RHPN1: variants seen among roughly 807,000 people sequenced by gnomAD.
RHPN1 encodes the protein rhophilin Rho GTPase binding protein 1.
In RHPN1, 77 loss-of-function variants were observed where a neutral mutation model predicts 74.7. The observed-to-expected ratio is 1.03, with a 90% CI of 0.86 to 1.25. The LOEUF (loss-of-function observed/expected upper bound fraction) is 1.25, where lower values mean the gene tolerates loss of function less well. RHPN1 is among the 50% of genes most tolerant of loss of function. The probability of loss-of-function intolerance (pLI) is 0.00; values close to 1 mark genes in which losing one functional copy is unlikely to be tolerated. For missense variants in RHPN1, 987 were observed against 932.2 expected, an observed-to-expected ratio of 1.06 and a Z score of -0.77; for synonymous variants, 444 against 414.5, an observed-to-expected ratio of 1.07 and a Z score of -0.87.
At chr8:143,378,134 T>C in intron 4 of RHPN1, 135 bp from the exon 5 acceptor site, 1 of 743,322 alleles carries the variant, frequency 1.3e-6, no homozygotes, top group Non-Finnish European at 2.3e-6. Context: ...GCCCCCACGC[T>C]GCATGGCAGC....
chr8:143,365,096 A>G (rs965085155), upstream of RHPN1, among the ~76,000 whole-genome samples: 4 of 152,138 alleles, frequency 2.6e-5, no homozygotes, highest in African/African-American at 9.7e-5. Flanking sequence ...ATACACGGCC[A>G]GTTAAATTCT....
chr8:143,378,605 C>T (rs945744125), intron 5 of RHPN1, 91 bp from the exon 6 acceptor site: 5 of 1,476,556 alleles, frequency 3.4e-6, no homozygotes, highest in Non-Finnish European at 4.5e-6. Flanking sequence ...TCCCCGCCCC[C>T]CATGGTGCTG....
chr8:143,374,238 G>A (rs1818060606), intron 1 of RHPN1: 3 of 985,340 alleles, frequency 3.0e-6, no homozygotes, highest in Non-Finnish European at 2.4e-6. Context: ...GTCCACAGAG[G>A]GGAAGACCCA....
intron 9 of RHPN1, 36 bp from the exon 10 acceptor site, chr8:143,380,026 C>T: frequency 6.5e-7 from 1 of 1,548,672 alleles, no homozygotes; most frequent in East Asian, 2.4e-5. Context: ...TGCCAAGGCC[C>T]CCCCGCGCAG....
chr8:143,381,931 T>C lies in RHPN1; in HGVS notation c.1760T>C (p.Val587Ala). 5.6e-6 allele frequency: 9 copies of C among 1,609,118 alleles called. No homozygotes were observed. Among genetic ancestry groups the C allele is most frequent in the Non-Finnish European group, 6.8e-6 (8 of 1,178,552 alleles). The stretch of plus-strand genomic sequence containing the variant: ...GGAGAGGCGGGCGCCAGCCTGCAGG[T>C]GGTGTCGCTGCTGCCCAGCTCTAGA... ...AAGEAGASLQ[V>A]VSLLPSSRLP... The change falls in exon 14 of 15, where the codon GTG becomes GCG. Residue 587 changes from valine (V) to alanine (A), a missense_variant. Transcript: ENST00000289013.
chr8:143,368,097 C>G (rs1239929249), upstream of RHPN1: 1 of 153,740 alleles, frequency 6.5e-6, no homozygotes. Context: ...ATTCGGAAAG[C>G]AGGTTCGTTC....
At position 143,381,676 on chromosome 8, in the gene RHPN1, G is replaced by GC; in HGVS notation, c.1595dup (p.Val533CysfsTer63). ...TTGGCCTCACGCTTCGGGGAGACTC[G>GC]CCTGTCCTCATCGCTGCCGTCATTC... On this transcript the variant is annotated frameshift_variant, in exon 13 of 15. Coordinates refer to ENST00000289013, the MANE Select transcript of RHPN1 (RefSeq NM_052924.3). LOFTEE classifies it high-confidence loss of function. 1 of 1,611,504 alleles carries GC rather than the reference G, an allele frequency of 6.2e-7. No individual in the cohort carries two copies.
intron 1 of RHPN1, among the ~76,000 whole-genome samples, chr8:143,369,293 T>C (rs1586797753): frequency 6.6e-6 from 1 of 151,966 alleles, no homozygotes; most frequent in Non-Finnish European, 1.5e-5. Flanking sequence ...CTGAAGCGGG[T>C]TGGGGGGACG....
upstream of RHPN1, among the ~76,000 whole-genome samples, chr8:143,366,378 T>G (rs1216372279): frequency 1.3e-5 from 2 of 151,860 alleles, no homozygotes; most frequent in African/African-American, 4.8e-5. Context: ...CACATGTACC[T>G]CCAAATCTAA....
intron 1 of RHPN1, 44 bp from the exon 2 acceptor site, chr8:143,375,509 G>A (rs1217192551): frequency 1.4e-6 from 2 of 1,413,314 alleles, no homozygotes; most frequent in Non-Finnish European, 9.6e-7. Context: ...GCCTGGTGCG[G>A]GCGCCACGGG....
chr8:143,383,762 G>C lies in RHPN1; in HGVS notation c.*1111G>C, dbSNP rs1586840239. On this transcript the variant is annotated 3_prime_UTR_variant, in exon 15 of 15. Coordinates refer to ENST00000289013, the MANE Select transcript of RHPN1 (RefSeq NM_052924.3). ...CGGGAGTCATTCCCTGCAGCCACTA[G>C]GGGGCAGCCGCCACCCGCTCAGCAG... is the stretch of plus-strand genomic sequence containing the variant. The C allele has an allele frequency of 6.6e-6, 1 of 152,342 alleles. No homozygotes were observed. The highest frequency in any genetic ancestry group is 1.9e-4 in the East Asian group (1 of 5,176). 9.4% of individuals were successfully genotyped at this position (152,342 alleles called of 1,614,324 possible).
upstream of RHPN1, chr8:143,368,755 C>T (rs1219963978): frequency 9.6e-6 from 3 of 311,272 alleles, no homozygotes; most frequent in East Asian, 5.1e-5. Context: ...TATAGCTGTC[C>T]GTCGAAGCGG....
At chr8:143,369,127 GGC>G in intron 1 of RHPN1, 80 bp downstream of exon 1, 1 of 1,150,796 alleles carries the variant, frequency 8.7e-7, no homozygotes, top group Non-Finnish European at 1.2e-6. Context: ...GCGCGTTCCG[GGC>G]GCCCCCCTCC....
At chr8:143,379,254 G>T in intron 7 of RHPN1, 61 bp from the exon 8 acceptor site, 9 of 1,476,488 alleles carry the variant, frequency 6.1e-6, no homozygotes, top group East Asian at 2.4e-5. Flanking sequence ...CCTGAGTGCT[G>T]CATGGGGCAG....
intron 1 of RHPN1, chr8:143,374,321 C>T (rs1818068862): frequency 3.0e-6 from 3 of 985,346 alleles, no homozygotes; most frequent in Non-Finnish European, 3.6e-6. Flanking sequence ...TGGCAAGATT[C>T]ACCTTCAGAC....
chr8:143,376,978 G>A (rs923777525), intron 3 of RHPN1, among the ~76,000 whole-genome samples: 4 of 151,612 alleles, frequency 2.6e-5, no homozygotes, highest in Admixed American at 6.6e-5. Context: ...GTCTGCGTGC[G>A]TGTGCATGTC....
At chr8:143,376,747 GTA>G (rs921152837) in intron 3 of RHPN1, 94 bp downstream of exon 3, 59 of 1,403,796 alleles carry the variant, frequency 4.2e-5, no homozygotes, top group Admixed American at 1.0e-4. Flanking sequence ...GTCTCTGTGT[GTA>G]TATGTGTGCA....
chr8:143,370,960 T>A (rs1399747005), intron 1 of RHPN1, among the ~76,000 whole-genome samples: 1 of 152,080 alleles, frequency 6.6e-6, no homozygotes, highest in Non-Finnish European at 1.5e-5. Context: ...CCTCACCTGG[T>A]CTCCAGCATG....
intron 10 of RHPN1, 108 bp from the exon 11 acceptor site, chr8:143,380,481 A>C (rs990602687): frequency 2.7e-6 from 3 of 1,096,688 alleles, no homozygotes; most frequent in Middle Eastern, 3.1e-4. Context: ...ACCCCCAACG[A>C]AAGTGGCTGT....
Sources: allele counts gnomAD v4.1 joint callset (sites outside exome capture counted in the v4.1 genomes callset), GRCh38; gene constraint gnomAD v4.1.1; transcripts MANE v1.5; gene names NCBI Gene and HGNC (gene_info 2026-07-23, HGNC 2026-07-21).